The following RET variants were observed in gnomAD, a reference collection of about 807,000 sequenced individuals.
RET encodes the protein ret proto-oncogene, also known as proto-oncogene tyrosine-protein kinase receptor Ret.
RET carries 19 observed loss-of-function variants against 118.3 expected under a neutral mutation model. That is an observed-to-expected ratio of 0.16 (90% CI 0.11 to 0.24). The LOEUF (loss-of-function observed/expected upper bound fraction) is 0.24, where lower values mean the gene tolerates loss of function less well. Among genes scored for constraint, RET ranks in the 10% least tolerant of loss-of-function variants. The pLI is 1.00. For missense variants in RET, 1,219 were observed against 1,502.1 expected, an observed-to-expected ratio of 0.81 and a Z score of 3.12; for synonymous variants, 597 against 644.1, an observed-to-expected ratio of 0.93 and a Z score of 1.11.
intron 1 of RET, among the ~76,000 whole-genome samples, chr10:43,093,160 G>A (rs77297492): frequency 0.027 from 4,183 of 152,188 alleles, 126 homozygotes; most frequent in Non-Finnish European, 0.035. Flanking sequence ...GGGGGCCCTG[G>A]GAGCCCTGAT....
At chr10:43,117,729 ACT>A (rs1838105565) in intron 12 of RET, among the ~76,000 whole-genome samples, 1 of 151,918 alleles carries the variant, frequency 6.6e-6, no homozygotes, top group African/African-American at 2.4e-5. Context: ...CTACAGTTAG[ACT>A]CTCTGGGGAA....
chr10:43,107,999 G>A (rs1837823372), intron 5 of RET, among the ~76,000 whole-genome samples: 1 of 152,026 alleles, frequency 6.6e-6, no homozygotes, highest in Non-Finnish European at 1.5e-5. Flanking sequence ...AGGGTCAGGA[G>A]GGAAAGTAAA....
At chr10:43,084,810 A>C (rs943214246) in intron 1 of RET, among the ~76,000 whole-genome samples, 1 of 152,158 alleles carries the variant, frequency 6.6e-6, no homozygotes, top group Non-Finnish European at 1.5e-5. Context: ...CTGCTTGTGC[A>C]TAAGAAGGGG....
intron 1 of RET, among the ~76,000 whole-genome samples, chr10:43,100,112 G>T (rs1837604104): frequency 6.6e-6 from 1 of 152,200 alleles, no homozygotes; most frequent in Admixed American, 6.5e-5. Flanking sequence ...TTTGGCAACT[G>T]TTGCCTGCCC....
chr10:43,092,903 G>A (rs967719449), intron 1 of RET, among the ~76,000 whole-genome samples: 2 of 152,176 alleles, frequency 1.3e-5, no homozygotes, highest in Non-Finnish European at 2.9e-5. Context: ...TCCAGTGCCC[G>A]TGAGACCATG....
rs566363163 is a variant in RET at position 43,123,098 on chromosome 10, A to G, written c.2802-573A>G. ...GGTGTGCTCCGTGGTGTGCACATGT[A>G]TGCTTTTTATTGCCCTAAATGGGCT... On this transcript the variant is annotated intron_variant, in intron 16 of 19. Transcript: ENST00000355710. Among the ~76,000 whole-genome samples, 31 of 152,352 alleles carry G rather than the reference A, an allele frequency of 2.0e-4. No homozygotes were observed. In the East Asian group the frequency reaches 5.0e-3, roughly 25 times the overall value.
Position 43,118,366 on chromosome 10 carries a change from A to G in RET, c.2285-7A>G. The G allele has an allele frequency of 6.2e-7, 1 of 1,612,450 alleles. No individual in the cohort carries two copies. The highest frequency in any genetic ancestry group is 8.5e-7 in the Non-Finnish European group (1 of 1,178,616). On this transcript the variant is annotated splice_polypyrimidine_tract_variant and splice_region_variant and intron_variant, in intron 12 of 19. Coordinates refer to ENST00000355710, the MANE Select transcript of RET (RefSeq NM_020975.6). ...TCGTTTGCAACCTGCTCTGTGCTGC[A>G]TTTCAGAGAACGCCTCCCCGAGTGA...
At position 43,128,338 on chromosome 10, in the gene RET, C is replaced by T; in HGVS notation, c.*69C>T. Reference sequence around the variant, plus strand: ...TGCTGAGAATGGAAAGTCTACCGGCCCTTTCTTTGTGAACGTCACATTGGC... The same window carrying T: ...TGCTGAGAATGGAAAGTCTACCGGCTCTTTCTTTGTGAACGTCACATTGGC... On this transcript the variant is annotated 3_prime_UTR_variant, in exon 20 of 20. Coordinates refer to ENST00000355710, the MANE Select transcript of RET (RefSeq NM_020975.6). The T allele has an allele frequency of 6.3e-7, 1 of 1,579,698 alleles. No homozygotes were observed. The highest frequency in any genetic ancestry group is 8.7e-7 in the Non-Finnish European group (1 of 1,149,712).
chr10:43,119,983 C>T (rs571625854), intron 14 of RET, 98 bp from the exon 15 acceptor site: 56 of 1,555,808 alleles, frequency 3.6e-5, no homozygotes, highest in Middle Eastern at 4.3e-4. Context: ...GGCCGCTACC[C>T]GGGCCACACA....
intron 1 of RET, among the ~76,000 whole-genome samples, chr10:43,087,327 TC>T (rs1378329608): frequency 6.6e-6 from 1 of 152,218 alleles, no homozygotes; most frequent in African/African-American, 2.4e-5. Context: ...ACACCGGGTC[TC>T]CTGCCCAGCA....
At chr10:43,119,035 C>T (rs1348840462) in intron 13 of RET, among the ~76,000 whole-genome samples, 1 of 152,202 alleles carries the variant, frequency 6.6e-6, no homozygotes, top group African/African-American at 2.4e-5. Context: ...AACCCAAACA[C>T]CGGGAGTGCG....
chr10:43,079,256 A>T (rs1277661754), intron 1 of RET, among the ~76,000 whole-genome samples: 1 of 152,036 alleles, frequency 6.6e-6, no homozygotes, highest in Non-Finnish European at 1.5e-5. Context: ...GGCTGTGGAC[A>T]TGCACAGCGT....
chr10:43,085,583 G>A lies in RET; in HGVS notation c.73+8252G>A, dbSNP rs75284339. Among the ~76,000 whole-genome samples the A allele has an allele frequency of 8.9e-4, 136 of 152,284 alleles. 3 individuals are homozygous for A. In the East Asian group the frequency reaches 0.018, roughly 21 times the overall value. On this transcript the variant is annotated intron_variant, in intron 1 of 19. Coordinates refer to ENST00000355710, the MANE Select transcript of RET (RefSeq NM_020975.6). ...GTGGATACTCCTGCATAGACATCACGTGGACTCAAAGGGCATGAGGACCTC... is the reference window on the plus strand; with the variant it reads ...GTGGATACTCCTGCATAGACATCACATGGACTCAAAGGGCATGAGGACCTC...
rs1354240192 is a variant in RET, at chr10:43,112,244, A to G, written c.1648+20A>G. On this transcript the variant is annotated intron_variant, in intron 8 of 19. Transcript: ENST00000355710. ...GCAAAGGTAAGCCCTGGAAACGCCC[A>G]AGGGAGGCCTGCAGGGGCGATGGCA... 1 of 1,551,290 alleles carries G rather than the reference A, an allele frequency of 6.4e-7. No homozygotes were observed. The highest frequency in any genetic ancestry group is 2.4e-5 in the East Asian group (1 of 40,928).
chr10:43,084,440 G>T (rs962563390), intron 1 of RET, among the ~76,000 whole-genome samples: 1 of 152,222 alleles, frequency 6.6e-6, no homozygotes, highest in Non-Finnish European at 1.5e-5. Context: ...TGTGGCTTTG[G>T]TTTGCCTTTC....
At chr10:43,120,839 TGCAGCCTCCCAGTG>T (rs1205804044) in intron 15 of RET, among the ~76,000 whole-genome samples, 3 of 152,132 alleles carry the variant, frequency 2.0e-5, no homozygotes, top group Non-Finnish European at 2.9e-5. Flanking sequence ...GCCCCTCTCC[TGCAGCCTCCCAGTG>T]GCAGCCCAGG....
chr10:43,085,131 G>A (rs1314048375), intron 1 of RET, among the ~76,000 whole-genome samples: 1 of 152,198 alleles, frequency 6.6e-6, no homozygotes, highest in Non-Finnish European at 1.5e-5. Context: ...GAGGGTGGCA[G>A]GCAGCCTCTG....
chr10:43,116,831 A>G lies in RET; in HGVS notation c.2284+100A>G, dbSNP rs113349087. ...AGCATGGGACCCTGAAGAGCCCCCA[A>G]TGCTGTTCTAGAGCGGCTGCAGTTG... On this transcript the variant is annotated intron_variant, in intron 12 of 19. Transcript: ENST00000355710. 2.4e-4 allele frequency: 356 copies of G among 1,455,352 alleles called. 1 individual carries two copies. In the African/African-American group the frequency reaches 3.2e-3, roughly 13 times the overall value. 90.2% of individuals were successfully genotyped at this position (1,455,352 alleles called of 1,614,324 possible).
In RET at chr10:43,114,466, A is replaced by G; in HGVS notation, c.1880-14A>G. ...CTCTGGCGGTGCCAAGCCTCACACCACCCCCACCCACAGATCCACTGTGCG... is the reference window on the plus strand; with the variant it reads ...CTCTGGCGGTGCCAAGCCTCACACCGCCCCCACCCACAGATCCACTGTGCG... On this transcript the variant is annotated splice_polypyrimidine_tract_variant and intron_variant, in intron 10 of 19. Transcript: ENST00000355710. This position sits in a 1 kb window ranked among gnomAD's most constrained non-coding sequence, Gnocchi z 4.6. The G allele has an allele frequency of 6.2e-7, 1 of 1,602,984 alleles. No individual in the cohort carries two copies. Among genetic ancestry groups the G allele is most frequent in the Non-Finnish European group, 8.5e-7 (1 of 1,179,644 alleles).
Sources: gnomAD v4.1 joint callset for allele counts (sites outside exome capture counted in the v4.1 genomes callset) on GRCh38, gnomAD v4.1.1 for gene constraint, Gnocchi (gnomAD v3.1) non-coding constraint, MANE v1.5 for transcripts, NCBI Gene and HGNC (gene_info 2026-07-23, HGNC 2026-07-21) for gene names.